Variants in IKZF1 observed in about 807,000 individuals in gnomAD.
The protein encoded by IKZF1 is DNA-binding protein Ikaros.
IKZF1 carries 10 observed loss-of-function variants against 51.7 expected under a neutral mutation model. The ratio of observed to expected loss-of-function variants is 0.19; its 90% CI spans 0.12 to 0.33. IKZF1 has a LOEUF of 0.33. Ranked by LOEUF, IKZF1 falls within the 10% of genes least tolerant of loss-of-function variation. The probability of loss-of-function intolerance (pLI) is 1.00; values close to 1 mark genes in which losing one functional copy is unlikely to be tolerated. For missense variants in IKZF1, 484 were observed against 707.5 expected (o/e 0.68, Z 3.58); for synonymous variants, 280 against 282.3 (o/e 0.99, Z 0.08).
intron 3 of IKZF1, among the ~76,000 whole-genome samples, chr7:50,335,748 T>TGTGTATGGGATGTGTGGTGTGTCTGTG (rs1797616569): frequency 6.6e-6 from 1 of 151,820 alleles, no homozygotes; most frequent in African/African-American, 2.4e-5. Flanking sequence ...GGTGTGTATG[T>TGTGTATGGGATGTGTGGTGTGTCTGTG]GTGTATGGGA....
intron 3 of IKZF1, among the ~76,000 whole-genome samples, chr7:50,338,087 A>T (rs1482157931): frequency 3.3e-5 from 5 of 151,762 alleles, no homozygotes; most frequent in Non-Finnish European, 5.9e-5. Context: ...TGTGAATTTT[A>T]AAAAAAAACT....
intron 3 of IKZF1, among the ~76,000 whole-genome samples, chr7:50,338,106 A>G (rs1028141195): frequency 9.8e-5 from 15 of 152,352 alleles, no homozygotes; most frequent in African/African-American, 3.6e-4. Flanking sequence ...CTATAGAGAA[A>G]TTGGACCAGA....
At chr7:50,362,157 G>A (rs1214630304) in intron 3 of IKZF1, among the ~76,000 whole-genome samples, 1 of 151,350 alleles carries the variant, frequency 6.6e-6, no homozygotes, top group Non-Finnish European at 1.5e-5. Context: ...ATCTGCTCTG[G>A]AAGGTAGCTC....
intron 7 of IKZF1, among the ~76,000 whole-genome samples, chr7:50,394,819 G>T (rs183471829): frequency 2.0e-5 from 3 of 152,270 alleles, no homozygotes; most frequent in East Asian, 3.9e-4. Flanking sequence ...CACCACTGGG[G>T]CCATTAAAGA....
chr7:50,349,105 T>C (rs994430783), intron 3 of IKZF1, among the ~76,000 whole-genome samples: 1 of 152,342 alleles, frequency 6.6e-6, no homozygotes. Flanking sequence ...CTTCTGATTA[T>C]AAATCTTTTG....
At chr7:50,336,169 C>A (rs918751371) in intron 3 of IKZF1, among the ~76,000 whole-genome samples, 5 of 152,132 alleles carry the variant, frequency 3.3e-5, no homozygotes, top group Non-Finnish European at 7.4e-5. Context: ...CAGGCTGGGT[C>A]CCCGGAGAAG....
At chr7:50,362,988 T>G (rs1805701724) in intron 3 of IKZF1, among the ~76,000 whole-genome samples, 1 of 152,048 alleles carries the variant, frequency 6.6e-6, no homozygotes, top group African/African-American at 2.4e-5. Flanking sequence ...GTGACGTGGT[T>G]GGAAAACAAT....
intron 7 of IKZF1, 140 bp downstream of exon 7, chr7:50,392,003 T>A: frequency 1.6e-6 from 2 of 1,225,310 alleles, no homozygotes; most frequent in Non-Finnish European, 2.2e-6. Flanking sequence ...TAACATTCCT[T>A]AAATATCTTA....
At chr7:50,392,293 A>G (rs1023267749) in intron 7 of IKZF1, among the ~76,000 whole-genome samples, 4 of 152,200 alleles carry the variant, frequency 2.6e-5, no homozygotes, top group African/African-American at 9.6e-5. Flanking sequence ...CTGAAGGGTT[A>G]ATGGGAGGAA....
At chr7:50,377,482 G>A (rs1810606608) in intron 4 of IKZF1, among the ~76,000 whole-genome samples, 1 of 152,202 alleles carries the variant, frequency 6.6e-6, no homozygotes, top group Non-Finnish European at 1.5e-5. Context: ...GAAGGAACAC[G>A]GGCACCCTAG....
chr7:50,359,368 A>T (rs950621886), intron 3 of IKZF1, among the ~76,000 whole-genome samples: 2 of 152,264 alleles, frequency 1.3e-5, no homozygotes, highest in African/African-American at 4.8e-5. Context: ...CATGAATTTC[A>T]TCCTGACTTC....
At chr7:50,307,537 G>A (rs528833894) in intron 1 of IKZF1, among the ~76,000 whole-genome samples, 2 of 152,164 alleles carry the variant, frequency 1.3e-5, no homozygotes, top group South Asian at 2.1e-4. Context: ...TCTCTCTCTG[G>A]TGTCTCTATG....
At chr7:50,335,897 G>A (rs1797657015) in intron 3 of IKZF1, among the ~76,000 whole-genome samples, 1 of 151,934 alleles carries the variant, frequency 6.6e-6, no homozygotes, top group Admixed American at 6.6e-5. Flanking sequence ...CTGGCAGGTG[G>A]CTCTGCTGTT....
intron 3 of IKZF1, among the ~76,000 whole-genome samples, chr7:50,375,379 A>C (rs1484543504): frequency 6.6e-6 from 1 of 152,226 alleles, no homozygotes; most frequent in Non-Finnish European, 1.5e-5. Flanking sequence ...GTCTCAAAAA[A>C]GAAACATTTA....
Position 50,360,847 on chromosome 7 carries a change from G to A in IKZF1, c.161-15686G>A, listed in dbSNP as rs536391943. ...GCTCTGCCCGGCGCTGCCCCAGCAT[G>A]TCCTGACAGGGCCTAGATATGGAAA... is the stretch of plus-strand genomic sequence containing the variant. On this transcript the variant is annotated intron_variant, in intron 3 of 7. Coordinates refer to ENST00000331340, the MANE Select transcript of IKZF1 (RefSeq NM_006060.6). Among the ~76,000 whole-genome samples the A allele has an allele frequency of 6.5e-4, 99 of 152,304 alleles. 1 individual carries two copies. In the Middle Eastern group the frequency reaches 0.014, roughly 21 times the overall value.
intron 3 of IKZF1, among the ~76,000 whole-genome samples, chr7:50,342,085 T>A (rs1799196089): frequency 6.6e-6 from 1 of 152,262 alleles, no homozygotes; most frequent in Non-Finnish European, 1.5e-5. Context: ...TCAAAACATT[T>A]TCTCAGTGTT....
intron 1 of IKZF1, among the ~76,000 whole-genome samples, chr7:50,306,005 T>A (rs2153314787): frequency 6.6e-6 from 1 of 152,334 alleles, no homozygotes; most frequent in South Asian, 2.1e-4. Flanking sequence ...TACTCATCTT[T>A]TATATGGAAT....
At chr7:50,335,473 A>G (rs1797489658) in intron 3 of IKZF1, among the ~76,000 whole-genome samples, 3 of 101,122 alleles carry the variant, frequency 3.0e-5, no homozygotes, top group East Asian at 3.4e-4. Flanking sequence ...TGTGTATGGG[A>G]TGTGTAGTGT....
At chr7:50,318,394 G>C (rs893036357) in intron 1 of IKZF1, 1 of 228,616 alleles carries the variant, frequency 4.4e-6, no homozygotes, top group African/African-American at 2.2e-5. Context: ...TTTTGCTGCC[G>C]TAGTGAGCGT....
Sources: allele counts gnomAD v4.1 joint callset (sites outside exome capture counted in the v4.1 genomes callset), GRCh38; gene constraint gnomAD v4.1.1; transcripts MANE v1.5; gene names NCBI Gene and HGNC (gene_info 2026-07-23, HGNC 2026-07-21).